OR51B5: variants seen among roughly 807,000 people sequenced by gnomAD.
OR51B5 encodes the protein olfactory receptor family 51 subfamily B member 5.
For missense variants in OR51B5, 456 were observed against 374.6 expected, an observed-to-expected ratio of 1.22 and a Z score of -1.79; for synonymous variants, 186 against 144.8, an observed-to-expected ratio of 1.28 and a Z score of -2.04.
At chr11:5,379,179 G>A (rs1293923744) in intron 1 of OR51B5, among the ~76,000 whole-genome samples, 1 of 151,910 alleles carries the variant, frequency 6.6e-6, no homozygotes, top group Admixed American at 6.6e-5. Flanking sequence ...GATGAAATTG[G>A]AAATCATCAT....
chr11:5,465,671 G>C (rs1851129806), intron 1 of OR51B5, among the ~76,000 whole-genome samples: 1 of 141,778 alleles, frequency 7.1e-6, no homozygotes. Flanking sequence ...ACAACTATCT[G>C]ATCTTTGACA....
chr11:5,392,557 T>G (rs1425109606), intron 1 of OR51B5: 1 of 152,230 alleles, frequency 6.6e-6, no homozygotes, highest in Non-Finnish European at 1.5e-5. Flanking sequence ...CTTACTCAAA[T>G]TTAAAATGCA....
chr11:5,493,900 T>G (rs757155255), intron 1 of OR51B5, among the ~76,000 whole-genome samples: 22 of 151,126 alleles, frequency 1.5e-4, no homozygotes, highest in African/African-American at 3.9e-4. Flanking sequence ...TGCAATTACC[T>G]TGTTTATCAT....
At chr11:5,402,638 T>A (rs2647583) in intron 1 of OR51B5, 61,430 of 471,068 alleles carry the variant, frequency 0.13, 4,926 homozygotes, top group African/African-American at 0.29. Flanking sequence ...TACCTACGAC[T>A]TTCATTTTGG....
At chr11:5,491,292 C>T (rs2133815309) in intron 1 of OR51B5, among the ~76,000 whole-genome samples, 1 of 152,252 alleles carries the variant, frequency 6.6e-6, no homozygotes, top group Non-Finnish European at 1.5e-5. Flanking sequence ...GTATTTTTAC[C>T]TAGAAAAGCA....
intron 1 of OR51B5, chr11:5,355,593 G>T (rs1849180455): frequency 2.0e-5 from 3 of 152,256 alleles, no homozygotes; most frequent in African/African-American, 7.2e-5. Context: ...TCTGTCTAAA[G>T]TCACTTGACA....
At chr11:5,430,837 G>A (rs1479392300) in intron 1 of OR51B5, 1 of 457,208 alleles carries the variant, frequency 2.2e-6, no homozygotes, top group African/African-American at 2.0e-5. Flanking sequence ...CCCAATCATG[G>A]GCACATAATA....
intron 1 of OR51B5, among the ~76,000 whole-genome samples, chr11:5,464,474 C>T (rs926878960): frequency 6.0e-4 from 70 of 117,480 alleles, no homozygotes; most frequent in Admixed American, 1.7e-3. Flanking sequence ...GTGTGATATT[C>T]CCCTTCCTGT....
At chr11:5,345,068 A>T (rs1422887734), upstream of OR51B5, among the ~76,000 whole-genome samples, 2 of 152,210 alleles carry the variant, frequency 1.3e-5, no homozygotes, top group African/African-American at 4.8e-5. Context: ...ACAATAGATG[A>T]TGTCAAAGAA....
intron 1 of OR51B5, among the ~76,000 whole-genome samples, chr11:5,496,959 G>A (rs1851658697): frequency 6.6e-6 from 1 of 152,016 alleles, no homozygotes; most frequent in Non-Finnish European, 1.5e-5. Context: ...CTTCTCTGCT[G>A]CATCCTTGTA....
upstream of OR51B5, chr11:5,346,499 C>T (rs370146650): frequency 2.0e-5 from 3 of 152,162 alleles, no homozygotes; most frequent in African/African-American, 7.2e-5. Flanking sequence ...ACATTTACAG[C>T]CATAATTTTT....
At chr11:5,352,198 G>C (rs770770345) in intron 1 of OR51B5, 1 of 1,614,150 alleles carries the variant, frequency 6.2e-7, no homozygotes, top group East Asian at 2.2e-5. Flanking sequence ...TTCTGGAGGA[G>C]AAAGGGCCAA....
chr11:5,421,532 CTT>C (rs1422071639), intron 1 of OR51B5, among the ~76,000 whole-genome samples: 12 of 152,214 alleles, frequency 7.9e-5, no homozygotes, highest in African/African-American at 2.9e-4. Flanking sequence ...TATTTCCTCT[CTT>C]TCTCTTCTTT....
chr11:5,374,192 A>T (rs1849488165), intron 1 of OR51B5, among the ~76,000 whole-genome samples: 1 of 152,232 alleles, frequency 6.6e-6, no homozygotes, highest in Admixed American at 6.5e-5. Flanking sequence ...GCGGTTCTGC[A>T]GACACCGCTG....
At chr11:5,429,390 T>A (rs1480629499) in intron 1 of OR51B5, among the ~76,000 whole-genome samples, 1 of 152,130 alleles carries the variant, frequency 6.6e-6, no homozygotes, top group Non-Finnish European at 1.5e-5. Context: ...ACAGACAACC[T>A]TACAAAGACA....
At chr11:5,382,607 T>G (rs759572037) in intron 1 of OR51B5, among the ~76,000 whole-genome samples, 16 of 152,188 alleles carry the variant, frequency 1.1e-4, no homozygotes, top group Non-Finnish European at 2.2e-4. Flanking sequence ...TTTTCTGAAA[T>G]TTTTCTGGTA....
At chr11:5,394,164 T>A (rs535548477) in intron 1 of OR51B5, among the ~76,000 whole-genome samples, 1 of 152,164 alleles carries the variant, frequency 6.6e-6, no homozygotes, top group Non-Finnish European at 1.5e-5. Context: ...CATGGTTTTT[T>A]AAGCACATAT....
At chr11:5,500,972 G>T (rs920317675) in intron 1 of OR51B5, among the ~76,000 whole-genome samples, 2 of 148,226 alleles carry the variant, frequency 1.3e-5, no homozygotes, top group Admixed American at 7.0e-5. Flanking sequence ...TGATAGAAAT[G>T]ACCCTTGATT....
intron 1 of OR51B5, chr11:5,390,960 C>G (rs567097298): frequency 6.5e-6 from 1 of 152,936 alleles, no homozygotes; most frequent in South Asian, 2.1e-4. Context: ...GTTGTGCTCT[C>G]TCCTGACCAT....
Sources: gnomAD v4.1 joint callset for allele counts (sites outside exome capture counted in the v4.1 genomes callset) on GRCh38, gnomAD v4.1.1 for gene constraint, MANE v1.5 for transcripts, NCBI Gene and HGNC (gene_info 2026-07-23, HGNC 2026-07-21) for gene names.